Variants in SNX24 observed in about 807,000 individuals in gnomAD.
SNX24 encodes sorting nexin 24.
SNX24 carries 22 observed loss-of-function variants against 28.7 expected under a neutral mutation model. The ratio of observed to expected loss-of-function variants is 0.77; its 90% confidence interval spans 0.55 to 1.10. The LOEUF (loss-of-function observed/expected upper bound fraction) is 1.10, where lower values mean the gene tolerates loss of function less well. Among genes scored for constraint, SNX24 ranks in the 50% least tolerant of loss-of-function variants. SNX24 has a pLI of 0.00. For synonymous variants in SNX24, 69 were observed against 71.5 expected (o/e 0.96, Z 0.18); for missense variants, 221 against 201.1 (o/e 1.10, Z -0.60).
chr5:122,958,514 A>T (rs1004780376), intron 3 of SNX24, among the ~76,000 whole-genome samples: 1 of 152,126 alleles, frequency 6.6e-6, no homozygotes, highest in East Asian at 1.9e-4. Flanking sequence ...TTGGCCTCCC[A>T]AAGGGCTGGG....
At chr5:122,883,806 AC>A (rs2150063382) in intron 1 of SNX24, among the ~76,000 whole-genome samples, 1 of 152,046 alleles carries the variant, frequency 6.6e-6, no homozygotes, top group East Asian at 1.9e-4. Flanking sequence ...CGCATGCGCC[AC>A]CACACCTGGC....
At chr5:122,987,591 G>A (rs552873939) in intron 3 of SNX24, among the ~76,000 whole-genome samples, 36 of 152,280 alleles carry the variant, frequency 2.4e-4, no homozygotes, top group African/African-American at 5.5e-4. Context: ...GAGCTGTCCC[G>A]AGTACAGCAG....
chr5:122,968,865 CTT>C (rs1188169428), intron 3 of SNX24, among the ~76,000 whole-genome samples: 1 of 151,706 alleles, frequency 6.6e-6, no homozygotes, highest in Non-Finnish European at 1.5e-5. Context: ...TTTAAAATAT[CTT>C]TTTGTATGTG....
intron 5 of SNX24, among the ~76,000 whole-genome samples, chr5:123,014,364 T>C (rs13166111): frequency 1.0e-5 from 1 of 96,868 alleles, no homozygotes; most frequent in Non-Finnish European, 2.1e-5. Context: ...TTTTTTTTTG[T>C]AGAGACAGGG....
chr5:122,908,148 G>T (rs1177026683), intron 1 of SNX24, among the ~76,000 whole-genome samples: 1 of 152,218 alleles, frequency 6.6e-6, no homozygotes, highest in African/African-American at 2.4e-5. Context: ...ATTCCATTAA[G>T]CTCTTGTGTA....
In SNX24 at chr5:123,008,370, T is replaced by A; in HGVS notation, c.*621T>A. 1 of 886,628 alleles carries A rather than the reference T, an allele frequency of 1.1e-6. No individual in the cohort carries two copies. Among genetic ancestry groups the A allele is most frequent in the Non-Finnish European group, 1.4e-6 (1 of 739,904 alleles). The allele number at this position is 886,628 out of a possible 1,614,324, so 54.9% of individuals were successfully genotyped here. ...AGTTGCATCATACTCAGGGGTTAGC[T>A]TCCAAGGTCAGTACATAGGTAAAAT... On this transcript the variant is annotated 3_prime_UTR_variant, in exon 7 of 7. Transcript: ENST00000261369.
At chr5:122,892,676 G>C (rs879386637) in intron 1 of SNX24, among the ~76,000 whole-genome samples, 2 of 151,860 alleles carry the variant, frequency 1.3e-5, no homozygotes, top group Non-Finnish European at 2.9e-5. Flanking sequence ...GGCCTCAAGT[G>C]ATCTGTCTGC....
chr5:123,023,901 A>T, intron 5 of SNX24: 1 of 1,613,844 alleles, frequency 6.2e-7, no homozygotes, highest in Non-Finnish European at 8.5e-7. Context: ...TCAACCACAA[A>T]AGGCGTTTTC....
intron 5 of SNX24, among the ~76,000 whole-genome samples, chr5:123,016,057 G>C (rs1252867638): frequency 6.6e-6 from 1 of 152,182 alleles, no homozygotes; most frequent in Non-Finnish European, 1.5e-5. Flanking sequence ...AGGCAACATG[G>C]TGTTTTTCTA....
intron 1 of SNX24, among the ~76,000 whole-genome samples, chr5:122,873,835 G>C (rs1436913938): frequency 1.4e-5 from 2 of 144,210 alleles, no homozygotes; most frequent in East Asian, 4.1e-4. Flanking sequence ...GCGCAATCTC[G>C]GCTTACTGCA....
intron 1 of SNX24, among the ~76,000 whole-genome samples, chr5:122,901,673 T>C (rs1336699448): frequency 6.6e-6 from 1 of 152,196 alleles, no homozygotes; most frequent in African/African-American, 2.4e-5. Flanking sequence ...CCTTGGACTT[T>C]ACAGATTGAT....
chr5:123,028,608 C>T (rs1445222487), intron 5 of SNX24: 11 of 526,186 alleles, frequency 2.1e-5, no homozygotes, highest in Admixed American at 3.6e-5. Flanking sequence ...TCATACCTGT[C>T]GAGATGCTGC....
chr5:123,022,414 T>C (rs1282918810), intron 5 of SNX24: 2 of 152,126 alleles, frequency 1.3e-5, no homozygotes, highest in East Asian at 3.9e-4. Flanking sequence ...TCAAGCACTC[T>C]CTATTATAGC....
intron 1 of SNX24, among the ~76,000 whole-genome samples, chr5:122,856,768 G>T (rs1212357164): frequency 6.6e-6 from 1 of 151,666 alleles, no homozygotes; most frequent in Non-Finnish European, 1.5e-5. Context: ...TGCCCACCTT[G>T]GCCTCCCAAA....
chr5:122,928,600 G>T (rs1245167128), intron 1 of SNX24, among the ~76,000 whole-genome samples: 1 of 151,876 alleles, frequency 6.6e-6, no homozygotes. Flanking sequence ...GCTAGGAGCT[G>T]GAAACAGCTA....
rs144265230 is a variant in SNX24, at chr5:122,991,604, C to T, written c.250-8308C>T. Among the ~76,000 whole-genome samples, 1,244 of 152,202 alleles carry T rather than the reference C, an allele frequency of 8.2e-3. 10 individuals carry two copies. Among genetic ancestry groups the T allele is most frequent in the Middle Eastern group, 0.017 (5 of 294 alleles). ...CCTCCCGAGTAGTTGGGATCACAGGCACGTGCCACCTCACCCAGCTAATTT... is the reference window on the plus strand; with the variant it reads ...CCTCCCGAGTAGTTGGGATCACAGGTACGTGCCACCTCACCCAGCTAATTT... On this transcript the variant is annotated intron_variant, in intron 3 of 6. Coordinates refer to ENST00000261369, the MANE Select transcript of SNX24 (RefSeq NM_014035.4).
In SNX24 at chr5:122,937,392, T is replaced by A. The variant is rs1016981512; in HGVS notation, c.144+575T>A. ...GCACTAGGATACACTTCTTTAAAAG[T>A]CTTAGATAAACGAAACAGAAAGGCA... On this transcript the variant is annotated intron_variant, in intron 2 of 6. Coordinates refer to ENST00000261369, the MANE Select transcript of SNX24 (RefSeq NM_014035.4). Among the ~76,000 whole-genome samples, 3 of 152,284 alleles carry A rather than the reference T, an allele frequency of 2.0e-5. No individual in the cohort carries two copies. In the South Asian group the frequency reaches 6.2e-4, roughly 32 times the overall value.
At chr5:122,983,598 T>C (rs1161375488) in intron 3 of SNX24, among the ~76,000 whole-genome samples, 1 of 152,126 alleles carries the variant, frequency 6.6e-6, no homozygotes, top group Non-Finnish European at 1.5e-5. Context: ...ACCAACAAAG[T>C]AGTGAAAAAT....
chr5:122,977,445 A>G (rs561928122), intron 3 of SNX24, among the ~76,000 whole-genome samples: 1 of 150,900 alleles, frequency 6.6e-6, no homozygotes, highest in Non-Finnish European at 1.5e-5. Context: ...CACTTTATGG[A>G]TTACTGTTAG....
Sources: gnomAD v4.1 joint callset for allele counts (sites outside exome capture counted in the v4.1 genomes callset) on GRCh38, gnomAD v4.1.1 for gene constraint, MANE v1.5 for transcripts, NCBI Gene and HGNC (gene_info 2026-07-23, HGNC 2026-07-21) for gene names.